Variants in PPM1L observed in about 807,000 individuals in gnomAD.
PPM1L encodes protein phosphatase, Mg2+/Mn2+ dependent 1L.
Under a neutral mutation model 31.4 loss-of-function variants are expected in PPM1L, and 13 were observed. The ratio of observed to expected loss-of-function variants is 0.41; its 90% CI spans 0.27 to 0.66. The LOEUF (loss-of-function observed/expected upper bound fraction) is 0.66, where lower values mean the gene tolerates loss of function less well. Ranked by LOEUF, PPM1L falls within the 30% of genes least tolerant of loss-of-function variation. PPM1L has a pLI of 0.29. For missense variants in PPM1L, 326 were observed against 453.7 expected (o/e 0.72, Z 2.56); for synonymous variants, 184 against 175.4 (o/e 1.05, Z -0.39).
intron 2 of PPM1L, among the ~76,000 whole-genome samples, chr3:160,975,354 G>A (rs1168291387): frequency 3.9e-5 from 6 of 152,012 alleles, no homozygotes; most frequent in Non-Finnish European, 7.4e-5. Flanking sequence ...TTGGCGATGC[G>A]GGCTCTTTTT....
At chr3:160,903,193 GGTATGTGTGTATGTT>G (rs372431617) in intron 1 of PPM1L, among the ~76,000 whole-genome samples, 17 of 124,144 alleles carry the variant, frequency 1.4e-4, no homozygotes, top group East Asian at 1.1e-3. Flanking sequence ...GTGTGTGTGT[GGTATGTGTGTATGTT>G]TGTGTGTGTG....
chr3:160,829,062 C>T (rs189800457), intron 1 of PPM1L, among the ~76,000 whole-genome samples: 83 of 151,918 alleles, frequency 5.5e-4, no homozygotes, highest in Middle Eastern at 6.8e-3. Flanking sequence ...TGATACATGT[C>T]GTCATTGGCA....
chr3:160,944,893 A>G (rs186780267), intron 1 of PPM1L, among the ~76,000 whole-genome samples: 1,230 of 107,354 alleles, frequency 0.011, 156 homozygotes, highest in African/African-American at 0.042. Context: ...TATATTATAT[A>G]TAACTGATGT....
chr3:160,835,866 T>A (rs1016314580), intron 1 of PPM1L, among the ~76,000 whole-genome samples: 4 of 152,102 alleles, frequency 2.6e-5, no homozygotes, highest in Admixed American at 6.6e-5. Flanking sequence ...TCCCAAATAT[T>A]CATTTAGTTT....
intron 1 of PPM1L, among the ~76,000 whole-genome samples, chr3:160,847,337 T>A (rs953977959): frequency 6.6e-6 from 1 of 152,172 alleles, no homozygotes. Flanking sequence ...AAACATTGCT[T>A]AATGTAAAAA....
At chr3:160,955,092 C>T (rs1356359170) in intron 1 of PPM1L, among the ~76,000 whole-genome samples, 2 of 151,824 alleles carry the variant, frequency 1.3e-5, no homozygotes, top group Non-Finnish European at 2.9e-5. Context: ...CTCACTGCAA[C>T]CTCTGCCTTC....
At chr3:161,035,857 G>C (rs150158862) in intron 2 of PPM1L, 3 of 152,312 alleles carry the variant, frequency 2.0e-5, no homozygotes, top group Non-Finnish European at 4.4e-5. Context: ...ATGATTGAAC[G>C]TACTCAAGAA....
At chr3:161,041,239 C>T (rs143841171) in intron 2 of PPM1L, among the ~76,000 whole-genome samples, 2 of 152,288 alleles carry the variant, frequency 1.3e-5, no homozygotes, top group Non-Finnish European at 2.9e-5. Context: ...GGAGATGCCT[C>T]CCCCCACTGG....
At chr3:160,868,135 G>GT in intron 1 of PPM1L, among the ~76,000 whole-genome samples, 1 of 152,158 alleles carries the variant, frequency 6.6e-6, no homozygotes, top group Non-Finnish European at 1.5e-5. Context: ...TTAATCCTCT[G>GT]TAACCCAGCC....
chr3:160,867,512 CA>C (rs1163804271), intron 1 of PPM1L, among the ~76,000 whole-genome samples: 12 of 145,914 alleles, frequency 8.2e-5, no homozygotes, highest in African/African-American at 2.7e-4. Flanking sequence ...ACACTTTCTT[CA>C]CATTTCCTTC....
intron 1 of PPM1L, among the ~76,000 whole-genome samples, chr3:160,829,731 T>C (rs1713463980): frequency 6.6e-6 from 1 of 152,144 alleles, no homozygotes; most frequent in African/African-American, 2.4e-5. Flanking sequence ...GGCAGAGATA[T>C]GGTTGAGCAT....
In PPM1L at chr3:160,920,621, ACACACACACACACACACT is replaced by A. The variant is rs1448231367; in HGVS notation, c.400-41097_400-41080del. ...CTCTCTCTCTCTCTCTCTCTCACACACACACACACACACACACTCACACACACACACACACACACACAC... is the reference window on the plus strand; with the variant it reads ...CTCTCTCTCTCTCTCTCTCTCACACACACACACACACACACACACACACAC... On this transcript the variant is annotated intron_variant, in intron 1 of 3. Coordinates refer to ENST00000498165, the MANE Select transcript of PPM1L (RefSeq NM_139245.4). 3.6e-3 allele frequency among the ~76,000 whole-genome samples: 255 copies of A among 71,230 alleles called. 1 individual carries two copies. Among genetic ancestry groups the A allele is most frequent in the African/African-American group, 0.011 (233 of 20,960 alleles). The allele number at this position is 71,230 out of a possible 152,430, so 46.7% of individuals were successfully genotyped here. A position where few individuals can be genotyped will look rare whatever the true frequency, so the allele number is the denominator to read the frequency against.
chr3:161,058,042 TC>T (rs1203123491), intron 2 of PPM1L, among the ~76,000 whole-genome samples: 1 of 151,362 alleles, frequency 6.6e-6, no homozygotes, highest in African/African-American at 2.4e-5. Flanking sequence ...GTTTTTGAGT[TC>T]CAGAGAGGTT....
chr3:161,010,711 C>A (rs1354407639), intron 2 of PPM1L, among the ~76,000 whole-genome samples: 1 of 152,120 alleles, frequency 6.6e-6, no homozygotes, highest in Non-Finnish European at 1.5e-5. Context: ...TTAATGATCG[C>A]CTTTCTAACT....
intron 1 of PPM1L, among the ~76,000 whole-genome samples, chr3:160,952,834 G>A (rs1489065860): frequency 1.3e-5 from 2 of 152,122 alleles, no homozygotes; most frequent in East Asian, 3.8e-4. Flanking sequence ...TATATGTGGT[G>A]TAAACATAAA....
rs911804674 is a variant in PPM1L at position 160,938,250 on chromosome 3, A to G, written c.400-23486A>G. On this transcript the variant is annotated intron_variant, in intron 1 of 3. Coordinates refer to ENST00000498165, the MANE Select transcript of PPM1L (RefSeq NM_139245.4). ...TTTCTTAGCTGGTTCTGTTAATTCA[A>G]TAATGGCGTCCTACTACCAACTGAT... 3.9e-5 allele frequency among the ~76,000 whole-genome samples: 6 copies of G among 152,228 alleles called. No homozygotes were observed. In the East Asian group the frequency reaches 7.7e-4, roughly 20 times the overall value.
intron 1 of PPM1L, among the ~76,000 whole-genome samples, chr3:160,870,890 C>T (rs895634458): frequency 2.6e-5 from 4 of 152,044 alleles, no homozygotes; most frequent in South Asian, 2.1e-4. Flanking sequence ...AAAGAGAAGA[C>T]GGCTGTGTGG....
chr3:160,782,380 T>A (rs1002678603), intron 1 of PPM1L, among the ~76,000 whole-genome samples: 8 of 152,198 alleles, frequency 5.3e-5, no homozygotes, highest in Non-Finnish European at 1.2e-4. Context: ...TGACAGTGTG[T>A]TACTCACAAT....
At chr3:160,778,937 CT>C (rs1711652367) in intron 1 of PPM1L, among the ~76,000 whole-genome samples, 1 of 152,070 alleles carries the variant, frequency 6.6e-6, no homozygotes, top group African/African-American at 2.4e-5. Context: ...AAAACTATTT[CT>C]TTTTTACCTT....
Sources: allele counts gnomAD v4.1 joint callset (sites outside exome capture counted in the v4.1 genomes callset), GRCh38; gene constraint gnomAD v4.1.1; transcripts MANE v1.5; gene names NCBI Gene and HGNC (gene_info 2026-07-23, HGNC 2026-07-21).